NFAM1: variants seen among roughly 807,000 people sequenced by gnomAD.
NFAM1 encodes NFAT activating protein with ITAM motif 1.
Under a neutral mutation model 29.0 loss-of-function variants are expected in NFAM1, and 17 were observed. That is an observed-to-expected ratio of 0.59 (90% CI 0.40 to 0.88). The LOEUF is 0.88. NFAM1 is among the 40% of genes least tolerant of loss of function. The pLI is 0.00. For synonymous variants in NFAM1, 175 were observed against 147.2 expected (o/e 1.19, Z -1.36); for missense variants, 324 against 344.6 (o/e 0.94, Z 0.47).
chr22:42,433,068 G>A (rs1268153529), upstream of NFAM1, among the ~76,000 whole-genome samples: 3 of 152,168 alleles, frequency 2.0e-5, no homozygotes, highest in East Asian at 1.9e-4. Flanking sequence ...TGAGACCCTC[G>A]AACTGCTTCC....
chr22:42,409,403 G>A lies in NFAM1; in HGVS notation c.564+32C>T. The A allele has an allele frequency of 8.3e-7, 1 of 1,206,872 alleles. No homozygotes were observed. The highest frequency in any genetic ancestry group is 1.1e-6 in the Non-Finnish European group (1 of 877,912). The allele number at this position is 1,206,872 out of a possible 1,614,324, so 74.8% of individuals were successfully genotyped here. Reference sequence around the variant, plus strand: ...GCAGCCGGTGGCGTGTCGGGTGGAGGGGCTGCATGGCTGTGAGCACTGATC... The same window carrying A: ...GCAGCCGGTGGCGTGTCGGGTGGAGAGGCTGCATGGCTGTGAGCACTGATC... On this transcript the variant is annotated intron_variant, in intron 3 of 5. Coordinates refer to ENST00000329021, the MANE Select transcript of NFAM1 (RefSeq NM_145912.8). The surrounding 1 kb of genome is among the most constrained non-coding windows in gnomAD (Gnocchi z 4.9).
At chr22:42,411,816 G>A (rs367621478) in intron 1 of NFAM1, 80 bp from the exon 2 acceptor site, 4 of 968,392 alleles carry the variant, frequency 4.1e-6, no homozygotes, top group South Asian at 1.5e-5. Flanking sequence ...TAAGGCTCAC[G>A]ACCGGGTGCG....
intron 4 of NFAM1, among the ~76,000 whole-genome samples, chr22:42,396,882 G>GACAGC (rs2147096737): frequency 6.6e-6 from 1 of 152,246 alleles, no homozygotes; most frequent in South Asian, 2.1e-4. Flanking sequence ...GAACAGAAAC[G>GACAGC]ACAGCACGTA....
chr22:42,424,724 A>T (rs982193424), intron 1 of NFAM1, among the ~76,000 whole-genome samples: 6 of 151,954 alleles, frequency 3.9e-5, no homozygotes, highest in African/African-American at 1.5e-4. Context: ...TGGAGTTGGA[A>T]GGAATGATTT....
At chr22:42,395,115 A>G (rs181952987) in intron 4 of NFAM1, among the ~76,000 whole-genome samples, 53 of 152,140 alleles carry the variant, frequency 3.5e-4, no homozygotes, top group Non-Finnish European at 6.3e-4. Context: ...TGGAGGTTGA[A>G]GTAAGCCAAG....
intron 1 of NFAM1, among the ~76,000 whole-genome samples, chr22:42,417,060 C>T (rs539858632): frequency 3.3e-5 from 5 of 152,286 alleles, no homozygotes; most frequent in Admixed American, 6.5e-5. Flanking sequence ...CAGCCTCCCC[C>T]GCACCTGACA....
intron 1 of NFAM1, among the ~76,000 whole-genome samples, chr22:42,415,669 T>C (rs1930238898): frequency 6.6e-6 from 1 of 151,974 alleles, no homozygotes; most frequent in Admixed American, 6.6e-5. Context: ...TCCCACCCCA[T>C]CTCCTGGACC....
Position 42,432,288 on chromosome 22 carries a change from G to A in NFAM1, c.70C>T (p.Pro24Ser), listed in dbSNP as rs1233920246. The A allele has an allele frequency of 5.1e-6, 8 of 1,572,752 alleles. No homozygotes were observed. Among genetic ancestry groups the A allele is most frequent in the Non-Finnish European group, 6.9e-6 (8 of 1,158,802 alleles). The change falls in exon 1 of 6, where the codon CCC becomes TCC. Residue 24 changes from proline to serine, a missense_variant. By Grantham distance (74) the Pro-to-Ser change is moderately conservative. Coordinates refer to ENST00000329021, the MANE Select transcript of NFAM1 (RefSeq NM_145912.8). ...LPRPPGLPAA[P>S]WLLLGVLLLP... ...AGCAGCACGCCAAGGAGGAGCCAGGGGGCTGCGGGGAGCCCAGGAGGGCGT... is the reference window on the plus strand; with the variant it reads ...AGCAGCACGCCAAGGAGGAGCCAGGAGGCTGCGGGGAGCCCAGGAGGGCGT...
chr22:42,395,505 TAAAAA>T, intron 4 of NFAM1, among the ~76,000 whole-genome samples: 1 of 148,406 alleles, frequency 6.7e-6, no homozygotes, highest in South Asian at 2.1e-4. Context: ...ATATAAATAA[TAAAAA>T]TAAAATAAAA....
At chr22:42,413,049 G>A (rs1054737539) in intron 1 of NFAM1, among the ~76,000 whole-genome samples, 1 of 152,206 alleles carries the variant, frequency 6.6e-6, no homozygotes, top group Non-Finnish European at 1.5e-5. Context: ...GCCGCCCCCT[G>A]CCCCAGACTT....
At chr22:42,431,410 G>A (rs530166366) in intron 1 of NFAM1, among the ~76,000 whole-genome samples, 5 of 152,220 alleles carry the variant, frequency 3.3e-5, no homozygotes, top group Admixed American at 6.5e-5. Flanking sequence ...TGTCTCCACA[G>A]TGGAGGCCAC....
intron 1 of NFAM1, among the ~76,000 whole-genome samples, chr22:42,428,354 G>A (rs1930690040): frequency 6.6e-6 from 1 of 152,218 alleles, no homozygotes; most frequent in African/African-American, 2.4e-5. Flanking sequence ...GAAAAACAGA[G>A]GCTACTCCTG....
chr22:42,389,032 C>T (rs1366609973), intron 4 of NFAM1, among the ~76,000 whole-genome samples: 2 of 152,062 alleles, frequency 1.3e-5, no homozygotes, highest in African/African-American at 4.8e-5. Flanking sequence ...TCCACCCACC[C>T]AGGCCCAGAC....
intron 3 of NFAM1, among the ~76,000 whole-genome samples, chr22:42,404,059 C>T (rs1349940163): frequency 6.6e-6 from 1 of 152,182 alleles, no homozygotes; most frequent in Non-Finnish European, 1.5e-5. Context: ...CCCCATCCCT[C>T]CTGCCCCAGC....
At chr22:42,401,966 C>T (rs890805329) in intron 3 of NFAM1, among the ~76,000 whole-genome samples, 1 of 152,242 alleles carries the variant, frequency 6.6e-6, no homozygotes, top group African/African-American at 2.4e-5. Flanking sequence ...ATTCCTTCCA[C>T]AAGCATGCAC....
chr22:42,399,379 G>T (rs1007767804), intron 3 of NFAM1, among the ~76,000 whole-genome samples: 1 of 151,066 alleles, frequency 6.6e-6, no homozygotes, highest in African/African-American at 2.4e-5. Flanking sequence ...CCCAGGGGGC[G>T]GAGGTTGCAG....
rs1425731075 is a variant in NFAM1 at position 42,409,037 on chromosome 22, G to T, written c.564+398C>A. On this transcript the variant is annotated intron_variant, in intron 3 of 5. Transcript: ENST00000329021. This position sits in a 1 kb window ranked among gnomAD's most constrained non-coding sequence, Gnocchi z 4.9. The stretch of plus-strand genomic sequence containing the variant: ...CGTGCGAGAGGGCGAGTGGGAGGGT[G>T]TGTGGGAGAGCACCTGTGTGAGTGG... 6.6e-6 allele frequency among the ~76,000 whole-genome samples: 1 copy of T among 152,168 alleles called. No homozygotes were observed. The highest frequency in any genetic ancestry group is 1.9e-4 in the East Asian group (1 of 5,194).
chr22:42,407,420 G>A (rs1380066283), intron 3 of NFAM1, among the ~76,000 whole-genome samples: 3 of 152,128 alleles, frequency 2.0e-5, no homozygotes, highest in Non-Finnish European at 4.4e-5. Flanking sequence ...CCAGGCTGGA[G>A]TGCACTGGTG....
intron 1 of NFAM1, among the ~76,000 whole-genome samples, chr22:42,424,354 G>A (rs1232624661): frequency 6.6e-6 from 1 of 152,128 alleles, no homozygotes; most frequent in Non-Finnish European, 1.5e-5. Context: ...GGCAGAGCTT[G>A]CGATGAACCG....
Sources: gnomAD v4.1 joint callset for allele counts (sites outside exome capture counted in the v4.1 genomes callset) on GRCh38, gnomAD v4.1.1 for gene constraint, Gnocchi (gnomAD v3.1) non-coding constraint, MANE v1.5 for transcripts, NCBI Gene and HGNC (gene_info 2026-07-23, HGNC 2026-07-21) for gene names.